Variants in ERF observed in about 807,000 individuals in gnomAD.
The protein encoded by ERF is ETS2 repressor factor.
In ERF, 10 loss-of-function variants were observed where a neutral mutation model predicts 41.6. The ratio of observed to expected loss-of-function variants is 0.24; its 90% confidence interval spans 0.15 to 0.41. The LOEUF is 0.41. Among genes scored for constraint, ERF ranks in the 10% least tolerant of loss-of-function variants. The probability of loss-of-function intolerance (pLI) is 1.00; values close to 1 mark genes in which losing one functional copy is unlikely to be tolerated. For missense variants in ERF, 621 were observed against 763.2 expected, an observed-to-expected ratio of 0.81 and a Z score of 2.19; for synonymous variants, 395 against 342.4, an observed-to-expected ratio of 1.15 and a Z score of -1.70.
Position 42,249,089 on chromosome 19 carries a change from C to A in ERF, c.1023G>T (p.Gln341His). The A allele has an allele frequency of 1.2e-6, 2 of 1,613,640 alleles. No individual in the cohort carries two copies. The highest frequency in any genetic ancestry group is 1.1e-5 in the South Asian group (1 of 91,068). The change falls in exon 4 of 4, where the codon CAG (glutamine) becomes CAT (histidine). Residue 341 changes from glutamine (Q) to histidine (H), a missense_variant. Physicochemically the swap from Gln to His is conservative, Grantham distance 24 (BLOSUM62 0). Coordinates refer to ENST00000222329, the MANE Select transcript of ERF (RefSeq NM_006494.4). The surrounding 1 kb of genome is among the most constrained non-coding windows in gnomAD (Gnocchi z 8.6). ...GCGGGCACTTGTCAGGGCGCTGGGG[C>A]TGGGGCACCACCAGCCCAGGGTAGT... ...FLHYPGLVVP[Q>H]PQRPDKCPLP...
intron 1 of ERF, chr19:42,254,048 G>A (rs890021233): frequency 2.0e-6 from 1 of 496,718 alleles, no homozygotes; most frequent in Non-Finnish European, 2.6e-6. Context: ...CCCGGGGGCG[G>A]CGGGGGAGGG....
chr19:42,252,615 G>A (rs1482306423), intron 1 of ERF, among the ~76,000 whole-genome samples: 1 of 152,224 alleles, frequency 6.6e-6, no homozygotes, highest in East Asian at 1.9e-4. Context: ...CCTCCTCCAG[G>A]GCCTGGACCC....
intron 1 of ERF, among the ~76,000 whole-genome samples, chr19:42,254,065 G>A (rs1005844258): frequency 6.6e-6 from 1 of 150,816 alleles, no homozygotes; most frequent in Non-Finnish European, 1.5e-5. Context: ...AGGGGAGGGG[G>A]AAAAGTCCGA....
chr19:42,248,257 C>A lies in ERF; in HGVS notation c.*208G>T. 4.6e-6 allele frequency: 1 copy of A among 215,498 alleles called. No individual in the cohort carries two copies. The highest frequency in any genetic ancestry group is 8.7e-6 in the Non-Finnish European group (1 of 114,980). 13.3% of individuals were successfully genotyped at this position (215,498 alleles called of 1,614,324 possible). A position where few individuals can be genotyped will look rare whatever the true frequency, so the allele number is the denominator to read the frequency against. On this transcript the variant is annotated 3_prime_UTR_variant, in exon 4 of 4. Coordinates refer to ENST00000222329, the MANE Select transcript of ERF (RefSeq NM_006494.4). The surrounding 1 kb of genome is among the most constrained non-coding windows in gnomAD (Gnocchi z 4.2). Reference sequence around the variant, plus strand: ...CCCAGAGCTTAGAAACCCACAGAGACAGGGAATAGCCCCTAGCCCTGGGCA... The same window carrying A: ...CCCAGAGCTTAGAAACCCACAGAGAAAGGGAATAGCCCCTAGCCCTGGGCA...
Position 42,250,192 on chromosome 19 carries a change from C to A in ERF, c.257+139G>T. 1.0e-6 allele frequency: 1 copy of A among 969,108 alleles called. No homozygotes were observed. The highest frequency in any genetic ancestry group is 1.5e-6 in the Non-Finnish European group (1 of 651,906). The allele number at this position is 969,108 out of a possible 1,614,324, so 60.0% of individuals were successfully genotyped here. A position where few individuals can be genotyped will look rare whatever the true frequency, so the allele number is the denominator to read the frequency against. On this transcript the variant is annotated intron_variant, in intron 2 of 3. Transcript: ENST00000222329. The surrounding 1 kb of genome is among the most constrained non-coding windows in gnomAD (Gnocchi z 5.1). ...TGTTACCAAGGGGCTCAGGGAAGGG[C>A]TGGGAGTGGCCCAAGGTCACACAGC...
rs1326072173 is a variant in ERF, at chr19:42,249,164, G to A, written c.948C>T (p.Ala316=). Residue 316 remains alanine, a synonymous_variant, in exon 4 of 4, where the codon GCC becomes GCT. Transcript: ENST00000222329. This position sits in a 1 kb window ranked among gnomAD's most constrained non-coding sequence, Gnocchi z 8.6. ...GGTAGTTGTAGACGCTTTGGGTGTG[G>A]GCCTGCAGGTACCGTTTCATGTCCT... ...SPEDMKRYLQ[A]HTQSVYNYHL... 6.2e-7 allele frequency: 1 copy of A among 1,613,928 alleles called. No individual in the cohort carries two copies. Among genetic ancestry groups the A allele is most frequent in the African/African-American group, 1.3e-5 (1 of 75,034 alleles).
Position 42,248,579 on chromosome 19 carries a change from C to G in ERF, c.1533G>C (p.Lys511Asn), listed in dbSNP as rs1331688961. ...CCCCAGGCCCCTCCCCACGCACCTT[C>G]TTGTCCTCACCCTCATCCTCAAAGC... ...AGGFEDEGED[K>N]KVRGEGPGEA... Residue 511 changes from lysine (K) to asparagine (N), a missense_variant, in exon 4 of 4, where the codon AAG (lysine) becomes AAC (asparagine). This residue lies in a region of ERF where 569 missense variants were observed against 625.5 expected (regional missense o/e 0.91). Transcript: ENST00000222329. The surrounding 1 kb of genome is among the most constrained non-coding windows in gnomAD (Gnocchi z 4.2). The G allele has an allele frequency of 1.3e-6, 2 of 1,583,904 alleles. No homozygotes were observed. The highest frequency in any genetic ancestry group is 3.6e-5 in the Admixed American group (2 of 55,946).
intron 1 of ERF, among the ~76,000 whole-genome samples, chr19:42,253,093 G>T (rs552986864): frequency 6.6e-6 from 1 of 152,306 alleles, no homozygotes; most frequent in South Asian, 2.1e-4. Flanking sequence ...GACAGACTAT[G>T]CAAGCCTGGG....
rs760213978 is a variant in ERF at position 42,248,744 on chromosome 19, C to T, written c.1368G>A (p.Thr456=). 6.2e-6 allele frequency: 10 copies of T among 1,613,614 alleles called. No individual in the cohort carries two copies. The highest frequency in any genetic ancestry group is 1.1e-5 in the South Asian group (1 of 91,082). The change falls in exon 4 of 4, where the codon ACG becomes ACA. Residue 456 remains threonine, a synonymous_variant. Transcript: ENST00000222329. The surrounding 1 kb of genome is among the most constrained non-coding windows in gnomAD (Gnocchi z 4.2). ...TAGGGGGTGCAGGTGGGGCACGGGG[C>T]GTCTTGAACACCTCCCCGTCTTCCT... ...EDEEDGEVFK[T]PRAPPAPPKP...
rs2036396231 is a variant in ERF at position 42,249,265 on chromosome 19, G to A, written c.847C>T (p.Leu283=). Reference sequence around the variant, plus strand: ...CCACCACTGGGGTACATCGGGCTCAGCGTGGGCGAGGGAGTGTAGGCCAGG... The same window carrying A: ...CCACCACTGGGGTACATCGGGCTCAACGTGGGCGAGGGAGTGTAGGCCAGG... ...THLAYTPSPT[L]SPMYPSGGGG... is the part of the protein sequence containing the mutation. The change falls in exon 4 of 4, where the codon CTG becomes TTG. Residue 283 remains leucine, a synonymous_variant. Transcript: ENST00000222329. This position sits in a 1 kb window ranked among gnomAD's most constrained non-coding sequence, Gnocchi z 8.6. 3 of 1,610,026 alleles carry A rather than the reference G, an allele frequency of 1.9e-6. No individual in the cohort carries two copies. Among genetic ancestry groups the A allele is most frequent in the South Asian group, 2.2e-5 (2 of 90,752 alleles).
chr19:42,254,234 G>C (rs1430372759), intron 1 of ERF, among the ~76,000 whole-genome samples: 1 of 151,240 alleles, frequency 6.6e-6, no homozygotes, highest in African/African-American at 2.4e-5. Context: ...GGGGGCGAGG[G>C]GGGAGCCTCT....
Position 42,248,409 on chromosome 19 carries a change from A to C in ERF, c.*56T>G. On this transcript the variant is annotated 3_prime_UTR_variant, in exon 4 of 4. Coordinates refer to ENST00000222329, the MANE Select transcript of ERF (RefSeq NM_006494.4). This position sits in a 1 kb window ranked among gnomAD's most constrained non-coding sequence, Gnocchi z 4.2. ...TCACCTCCAGGGCATAGGGGGCTTA[A>C]GGCAGCAAAAGAAGCATGGGGGGTG... is the stretch of plus-strand genomic sequence containing the variant. 1 of 1,410,676 alleles carries C rather than the reference A, an allele frequency of 7.1e-7. No homozygotes were observed. The highest frequency in any genetic ancestry group is 9.2e-7 in the Non-Finnish European group (1 of 1,081,354). 87.4% of individuals were successfully genotyped at this position (1,410,676 alleles called of 1,614,324 possible).
In ERF at chr19:42,249,655, G is replaced by C; in HGVS notation, c.457C>G (p.Leu153Val). 6.2e-7 allele frequency: 1 copy of C among 1,607,466 alleles called. No individual in the cohort carries two copies. Among genetic ancestry groups the C allele is most frequent in the Non-Finnish European group, 8.5e-7 (1 of 1,176,534 alleles). Residue 153 changes from leucine to valine, a missense_variant, in exon 4 of 4, where the codon CTG becomes GTG. Leu to Val is a conservative substitution (Grantham distance 32). Around this residue, in one of 3 missense-constraint regions of ERF, gnomAD observed 569 missense variants for 625.5 expected, o/e 0.91. Coordinates refer to ENST00000222329, the MANE Select transcript of ERF (RefSeq NM_006494.4). The surrounding 1 kb of genome is among the most constrained non-coding windows in gnomAD (Gnocchi z 8.6). Reference protein sequence around the residue: ...RFPPSTPSEVLSPTEDPRSPP... With the variant: ...RFPPSTPSEVVSPTEDPRSPP... ...GAGCGGGGGTCCTCGGTGGGGGACA[G>C]CACCTCGGAGGGCGTTGAGGGAGGG... is the stretch of plus-strand genomic sequence containing the variant.
intron 1 of ERF, chr19:42,253,759 G>A (rs988242814): frequency 3.2e-6 from 2 of 630,100 alleles, no homozygotes; most frequent in Non-Finnish European, 4.0e-6. Context: ...GCCCCCACCC[G>A]CCGAGCAGGG....
Position 42,249,857 on chromosome 19 carries a change from T to C in ERF, c.343A>G (p.Asn115Asp). Residue 115 changes from asparagine to aspartate, a missense_variant, in exon 3 of 4, where the codon AAT (asparagine) becomes GAT (aspartate). Transcript: ENST00000222329. This position sits in a 1 kb window ranked among gnomAD's most constrained non-coding sequence, Gnocchi z 8.6. Reference protein sequence around the residue: ...KFNFNKLVLVNYPFIDVGLAG... With the variant: ...KFNFNKLVLVDYPFIDVGLAG... ...AACCCCACATCAATGAATGGGTAAT[T>C]GACCAGCACCAGTTTGTTGAAATTG... is the stretch of plus-strand genomic sequence containing the variant. 1 of 1,614,144 alleles carries C rather than the reference T, an allele frequency of 6.2e-7. No individual in the cohort carries two copies. Among genetic ancestry groups the C allele is most frequent in the South Asian group, 1.1e-5 (1 of 91,084 alleles).
At chr19:42,251,366 G>A (rs2036442234) in intron 1 of ERF, 2 of 978,188 alleles carry the variant, frequency 2.0e-6, no homozygotes, top group African/African-American at 1.8e-5. Flanking sequence ...CTGCCCACCT[G>A]CCTGCCCACC....
intron 1 of ERF, among the ~76,000 whole-genome samples, chr19:42,253,147 A>G (rs955889403): frequency 3.3e-5 from 5 of 152,148 alleles, no homozygotes; most frequent in African/African-American, 1.2e-4. Flanking sequence ...GTGACGGCCC[A>G]AACTTTTTTT....
In ERF at chr19:42,248,550, G is replaced by T; in HGVS notation, c.1562C>A (p.Ala521Asp). The change falls in exon 4 of 4, where the codon GCT becomes GAT. Residue 521 changes from alanine to aspartate, a missense_variant. Physicochemically the swap from Ala to Asp is moderately radical, Grantham distance 126. Around this residue, in one of 3 missense-constraint regions of ERF, gnomAD observed 569 missense variants for 625.5 expected, o/e 0.91. Transcript: ENST00000222329. The surrounding 1 kb of genome is among the most constrained non-coding windows in gnomAD (Gnocchi z 4.2). ...CCGCCTTGGGGTGAGGGGCCCCCCA[G>T]CCTCCCCAGGCCCCTCCCCACGCAC... ...KKVRGEGPGEAGGPLTPRRVS... is the reference protein window; with the variant it reads ...KKVRGEGPGEDGGPLTPRRVS... The T allele has an allele frequency of 6.4e-7, 1 of 1,552,782 alleles. No individual in the cohort carries two copies.
intron 1 of ERF, among the ~76,000 whole-genome samples, chr19:42,253,099 C>G (rs924337140): frequency 2.0e-5 from 3 of 152,186 alleles, no homozygotes; most frequent in Non-Finnish European, 4.4e-5. Flanking sequence ...CTATGCAAGC[C>G]TGGGGGGACA....
Sources: allele counts gnomAD v4.1 joint callset (sites outside exome capture counted in the v4.1 genomes callset), GRCh38; gene constraint gnomAD v4.1.1; regional missense constraint gnomAD v4.1.1; non-coding constraint Gnocchi (gnomAD v3.1); transcripts MANE v1.5; gene names NCBI Gene and HGNC (gene_info 2026-07-23, HGNC 2026-07-21).